The following PSMA3 variants were observed in gnomAD, a reference collection of about 807,000 sequenced individuals.
PSMA3 encodes proteasome 20S subunit alpha 3.
PSMA3 carries 8 observed loss-of-function variants against 40.0 expected under a neutral mutation model. The ratio of observed to expected loss-of-function variants is 0.20; its 90% CI spans 0.12 to 0.36. The LOEUF (loss-of-function observed/expected upper bound fraction) is 0.36, where lower values mean the gene tolerates loss of function less well. PSMA3 is among the 10% of genes least tolerant of loss of function. The probability of loss-of-function intolerance (pLI) is 1.00; values close to 1 mark genes in which losing one functional copy is unlikely to be tolerated. For synonymous variants in PSMA3, 110 were observed against 100.0 expected (o/e 1.10, Z -0.59); for missense variants, 219 against 310.6 (o/e 0.70, Z 2.22).
chr14:58,252,344 G>GT, intron 3 of PSMA3, 102 bp downstream of exon 3: 5 of 1,403,634 alleles, frequency 3.6e-6, no homozygotes, highest in Non-Finnish European at 4.8e-6. Context: ...ATCAGAGCAA[G>GT]TTACTGCATT....
At chr14:58,270,157 C>G (rs1424832338) in intron 8 of PSMA3, 2 of 385,288 alleles carry the variant, frequency 5.2e-6, no homozygotes, top group Non-Finnish European at 9.1e-6. Flanking sequence ...AGTTATATCT[C>G]TAAAGCAATG....
At chr14:58,254,868 A>C (rs1890107849) in intron 3 of PSMA3, among the ~76,000 whole-genome samples, 1 of 152,218 alleles carries the variant, frequency 6.6e-6, no homozygotes, top group Admixed American at 6.5e-5. Context: ...TACTTGGCAC[A>C]TACAGTTGTT....
intron 5 of PSMA3, 117 bp from the exon 6 acceptor site, chr14:58,260,829 TTA>T: frequency 1.6e-6 from 1 of 619,322 alleles, no homozygotes; most frequent in Admixed American, 3.0e-5. Context: ...ACTTACTGAG[TTA>T]TATGTGTATT....
intron 1 of PSMA3, among the ~76,000 whole-genome samples, chr14:58,245,724 A>T (rs1410266798): frequency 6.6e-6 from 1 of 152,222 alleles, no homozygotes; most frequent in Non-Finnish European, 1.5e-5. Context: ...TAGAAAATAC[A>T]GTTTCTAAAA....
chr14:58,257,675 C>G lies in PSMA3; in HGVS notation c.229-70C>G, dbSNP rs1005896047. The G allele has an allele frequency of 2.2e-6, 3 of 1,359,226 alleles. No homozygotes were observed. In the African/African-American group the frequency reaches 4.4e-5, roughly 20 times the overall value. The allele number at this position is 1,359,226 out of a possible 1,614,324, so 84.2% of individuals were successfully genotyped here. A position where few individuals can be genotyped will look rare whatever the true frequency, so the allele number is the denominator to read the frequency against. ...CTTGTTAAAAAAATGTTTAATAAGTCTTTATTAATTGCAGACTTTGATTTG... is the reference window on the plus strand; with the variant it reads ...CTTGTTAAAAAAATGTTTAATAAGTGTTTATTAATTGCAGACTTTGATTTG... On this transcript the variant is annotated intron_variant, in intron 3 of 10. Transcript: ENST00000216455.
chr14:58,266,654 CT>C (rs761977676), intron 7 of PSMA3: 9 of 152,212 alleles, frequency 5.9e-5, no homozygotes, highest in Non-Finnish European at 1.0e-4. Context: ...ACACGTTCAT[CT>C]TTCTTGAAAT....
At chr14:58,271,352 C>T (rs1366760779) in intron 10 of PSMA3, among the ~76,000 whole-genome samples, 4 of 100,066 alleles carry the variant, frequency 4.0e-5, no homozygotes, top group Non-Finnish European at 7.4e-5. Context: ...TTTTTTGAGA[C>T]GGAGTCTTGC....
At position 58,271,853 on chromosome 14, in the gene PSMA3, A is replaced by G. The variant is rs376830435; in HGVS notation, c.726A>G (p.Glu242=). 19 of 1,597,716 alleles carry G rather than the reference A, an allele frequency of 1.2e-5. No individual in the cohort carries two copies. In the African/African-American group the frequency reaches 2.0e-4, roughly 17 times the overall value. The change falls in exon 11 of 11, where the codon GAA becomes GAG. Residue 242 remains glutamate, a splice_region_variant and synonymous_variant. Transcript: ENST00000216455. ...IREEAEKYAK[E]SLKEEDESDD... ...AAACACCTGTTTTCTCTTAACAGGA[A>G]TCTCTGAAGGAAGAAGATGAATCAG...
chr14:58,267,515 A>G lies in PSMA3; in HGVS notation c.585A>G (p.Ala195=). 2 of 1,577,886 alleles carry G rather than the reference A, an allele frequency of 1.3e-6. No homozygotes were observed. The highest frequency in any genetic ancestry group is 1.7e-6 in the Non-Finnish European group (2 of 1,165,804). ...GCCGTGATATCGTTAAAGAAGTTGC[A>G]AAAATGTAAGTTGAAATTTTTCTTA... ...MTCRDIVKEV[A]KIIYIVHDEV... Residue 195 remains alanine, a synonymous_variant, in exon 8 of 11, where the codon GCA becomes GCG. Transcript: ENST00000216455.
At chr14:58,252,050 GTTAAAC>G (rs1282540189) in intron 2 of PSMA3, 63 bp from the exon 3 acceptor site, 31 of 1,499,542 alleles carry the variant, frequency 2.1e-5, no homozygotes, top group Non-Finnish European at 2.3e-5. Flanking sequence ...TTGTTTTTTT[GTTAAAC>G]TTAAGTTTAT....
chr14:58,257,532 T>C (rs1752474738), intron 3 of PSMA3, among the ~76,000 whole-genome samples: 1 of 151,886 alleles, frequency 6.6e-6, no homozygotes, highest in Non-Finnish European at 1.5e-5. Flanking sequence ...AATATGAACA[T>C]TGGACAAAGC....
At chr14:58,258,210 GGA>G in intron 5 of PSMA3, 1 of 478,508 alleles carries the variant, frequency 2.1e-6, no homozygotes, top group Middle Eastern at 5.7e-4. Context: ...GGTTGAGGTG[GGA>G]GGATCCCTCG....
intron 2 of PSMA3, among the ~76,000 whole-genome samples, chr14:58,248,241 T>C (rs1889921481): frequency 6.6e-6 from 1 of 152,238 alleles, no homozygotes; most frequent in South Asian, 2.1e-4. Context: ...TGTCTGTTTC[T>C]GTTTTGAGAC....
chr14:58,269,669 T>A (rs1447853294), intron 8 of PSMA3: 1 of 151,574 alleles, frequency 6.6e-6, no homozygotes, highest in Non-Finnish European at 1.5e-5. Context: ...CCTGACCTCA[T>A]GATCCACCCG....
At position 58,257,954 on chromosome 14, in the gene PSMA3, G is replaced by A. The variant is rs1890185355; in HGVS notation, c.360G>A (p.Val120=). 2 of 1,613,870 alleles carry A rather than the reference G, an allele frequency of 1.2e-6. No homozygotes were observed. Among genetic ancestry groups the A allele is most frequent in the Non-Finnish European group, 1.7e-6 (2 of 1,179,920 alleles). Residue 120 remains valine, a synonymous_variant, in exon 5 of 11, where the codon GTG becomes GTA. Coordinates refer to ENST00000216455, the MANE Select transcript of PSMA3 (RefSeq NM_002788.4). ...KHLADRVAMY[V]HAYTLYSAVR... ...TTGCAGACAGAGTGGCCATGTATGT[G>A]CATGCATATACACTCTACAGTGCTG...
At chr14:58,265,561 A>AG (rs920409668) in intron 7 of PSMA3, 2 of 152,216 alleles carry the variant, frequency 1.3e-5, no homozygotes, top group Admixed American at 6.5e-5. Flanking sequence ...CAGAAACCAG[A>AG]GCCATACAGC....
At chr14:58,265,304 C>A (rs994351892) in intron 7 of PSMA3, 2 of 152,132 alleles carry the variant, frequency 1.3e-5, no homozygotes, top group African/African-American at 4.8e-5. Flanking sequence ...CAGTTACTAT[C>A]TGTCTTTCTG....
intron 8 of PSMA3, chr14:58,268,075 G>A (rs1163516273): frequency 2.6e-5 from 4 of 152,280 alleles, no homozygotes; most frequent in Non-Finnish European, 2.9e-5. Context: ...GGTATATAAA[G>A]TAGAATACTA....
At chr14:58,245,032 G>A (rs1315877327) in intron 1 of PSMA3, 91 bp downstream of exon 1, 3 of 1,566,814 alleles carry the variant, frequency 1.9e-6, no homozygotes, top group South Asian at 1.1e-5. Flanking sequence ...GCGGACCCGG[G>A]GTGCTCTGAG....
Sources: allele counts gnomAD v4.1 joint callset (sites outside exome capture counted in the v4.1 genomes callset), GRCh38; gene constraint gnomAD v4.1.1; transcripts MANE v1.5; gene names NCBI Gene and HGNC (gene_info 2026-07-23, HGNC 2026-07-21).